TBC1D2B: variants seen among roughly 807,000 people sequenced by gnomAD.
The protein encoded by TBC1D2B is TBC1 domain family, member 2B.
A neutral mutation model predicts 100.8 loss-of-function variants in TBC1D2B; 64 were observed. That is an observed-to-expected ratio of 0.64 (90% CI 0.52 to 0.78). The LOEUF is 0.78. Ranked by LOEUF, TBC1D2B falls within the 30% of genes least tolerant of loss-of-function variation. TBC1D2B has a pLI of 0.00. For missense variants in TBC1D2B, 1,052 were observed against 1,218.4 expected (o/e 0.86, Z 2.03); for synonymous variants, 480 against 479.7 (o/e 1.00, Z -0.01).
chr15:78,006,407 G>A (rs2072068562), intron 10 of TBC1D2B, among the ~76,000 whole-genome samples: 2 of 152,282 alleles, frequency 1.3e-5, no homozygotes, highest in South Asian at 4.1e-4. Context: ...CATTTCTTGG[G>A]TAATTAGCAA....
At chr15:78,045,110 C>T (rs747465399) in intron 2 of TBC1D2B, 42 bp from the exon 3 acceptor site, 14 of 1,561,154 alleles carry the variant, frequency 9.0e-6, no homozygotes, top group Non-Finnish European at 1.2e-5. Context: ...TCAAAGCTTC[C>T]ACACGAAACT....
chr15:78,076,623 G>A (rs1272507992), intron 1 of TBC1D2B, among the ~76,000 whole-genome samples: 2 of 151,776 alleles, frequency 1.3e-5, no homozygotes, highest in Non-Finnish European at 2.9e-5. Flanking sequence ...GTGGTGGCCC[G>A]CACCTGTGGT....
At chr15:78,048,605 G>A (rs965390035) in intron 2 of TBC1D2B, among the ~76,000 whole-genome samples, 1 of 152,186 alleles carries the variant, frequency 6.6e-6, no homozygotes, top group Non-Finnish European at 1.5e-5. Flanking sequence ...GGGAGTTTCC[G>A]ACTGCATTGT....
intron 4 of TBC1D2B, among the ~76,000 whole-genome samples, chr15:78,028,792 G>A (rs1259527700): frequency 6.6e-6 from 1 of 152,136 alleles, no homozygotes; most frequent in East Asian, 1.9e-4. Flanking sequence ...AATACAATCA[G>A]CAAACCCAGA....
intron 8 of TBC1D2B, 32 bp downstream of exon 8, chr15:78,016,514 G>T: frequency 6.3e-7 from 1 of 1,599,726 alleles, no homozygotes; most frequent in Non-Finnish European, 8.5e-7. Context: ...GAAATGGGGT[G>T]CACTACCCTC....
intron 1 of TBC1D2B, among the ~76,000 whole-genome samples, chr15:78,062,300 TAAA>T (rs1293606690): frequency 6.6e-6 from 1 of 152,096 alleles, no homozygotes; most frequent in Non-Finnish European, 1.5e-5. Flanking sequence ...ACACTACAAA[TAAA>T]TTAATAGACA....
At chr15:78,030,366 A>G (rs370994869) in intron 3 of TBC1D2B, among the ~76,000 whole-genome samples, 196 bp from the exon 4 acceptor site, 4 of 151,632 alleles carry the variant, frequency 2.6e-5, no homozygotes, top group Admixed American at 6.6e-5. Context: ...CAGTGGTGCA[A>G]TCTTGGCTCA....
intron 3 of TBC1D2B, among the ~76,000 whole-genome samples, chr15:78,043,121 T>TA: frequency 6.6e-6 from 1 of 152,192 alleles, no homozygotes. Flanking sequence ...ACCTATGCCT[T>TA]AAAAACTAAA....
chr15:78,000,754 C>G (rs530154654), intron 12 of TBC1D2B, among the ~76,000 whole-genome samples: 1 of 152,368 alleles, frequency 6.6e-6, no homozygotes, highest in Admixed American at 6.5e-5. Flanking sequence ...TGGCCCAGAA[C>G]AGGCAATGAC....
intron 9 of TBC1D2B, 106 bp from the exon 10 acceptor site, chr15:78,009,220 A>G: frequency 1.5e-5 from 11 of 721,128 alleles, no homozygotes; most frequent in Non-Finnish European, 1.9e-5. Context: ...CATGGCCAAA[A>G]TTATTTCTAG....
At chr15:78,060,865 C>T (rs1190176708) in intron 1 of TBC1D2B, among the ~76,000 whole-genome samples, 3 of 151,400 alleles carry the variant, frequency 2.0e-5, no homozygotes, top group Non-Finnish European at 4.4e-5. Flanking sequence ...TGCAGTGAGC[C>T]GAGATCGCGC....
intron 4 of TBC1D2B, among the ~76,000 whole-genome samples, chr15:78,027,071 C>G (rs2072690005): frequency 6.6e-6 from 1 of 151,866 alleles, no homozygotes; most frequent in Non-Finnish European, 1.5e-5. Flanking sequence ...AAAAAAAATA[C>G]TATGGGATCT....
intron 9 of TBC1D2B, 84 bp from the exon 10 acceptor site, chr15:78,009,198 C>T: frequency 1.1e-6 from 1 of 946,426 alleles, no homozygotes; most frequent in Non-Finnish European, 1.6e-6. Flanking sequence ...TGCTTTAAGC[C>T]ACTTTTTCTC....
chr15:78,059,669 C>A (rs1218433341), intron 1 of TBC1D2B, among the ~76,000 whole-genome samples: 1 of 152,124 alleles, frequency 6.6e-6, no homozygotes, highest in Non-Finnish European at 1.5e-5. Context: ...CCACAAGCTG[C>A]TGTCCCCAGG....
At chr15:78,074,736 T>A (rs8040627) in intron 1 of TBC1D2B, among the ~76,000 whole-genome samples, 13 of 152,200 alleles carry the variant, frequency 8.5e-5, no homozygotes, top group Non-Finnish European at 1.5e-5. Flanking sequence ...TTTCACATGA[T>A]CTTCCTAACC....
intron 9 of TBC1D2B, among the ~76,000 whole-genome samples, chr15:78,011,752 G>A (rs1291442774): frequency 6.7e-6 from 1 of 150,260 alleles, no homozygotes; most frequent in Non-Finnish European, 1.5e-5. Context: ...GGGTTCAAGT[G>A]ATTCTCTTAC....
chr15:78,011,652 T>G (rs1287651962), intron 9 of TBC1D2B, among the ~76,000 whole-genome samples: 14 of 147,578 alleles, frequency 9.5e-5, no homozygotes, highest in Non-Finnish European at 1.3e-4. Context: ...TTGGTTTTTT[T>G]TTTTTTTTTT....
intron 4 of TBC1D2B, among the ~76,000 whole-genome samples, chr15:78,027,784 A>G (rs2072708658): frequency 1.3e-5 from 2 of 152,182 alleles, no homozygotes; most frequent in African/African-American, 4.8e-5. Context: ...CAATAACCCA[A>G]ATCCCCAGTT....
chr15:78,015,575 G>A (rs1013680296), intron 8 of TBC1D2B, among the ~76,000 whole-genome samples: 4 of 152,208 alleles, frequency 2.6e-5, no homozygotes, highest in Admixed American at 6.5e-5. Flanking sequence ...AATGCCCAGC[G>A]TACTGGTGGA....
Sources: gnomAD v4.1 joint callset for allele counts (sites outside exome capture counted in the v4.1 genomes callset) on GRCh38, gnomAD v4.1.1 for gene constraint, MANE v1.5 for transcripts, NCBI Gene and HGNC (gene_info 2026-07-23, HGNC 2026-07-21) for gene names.